HTR2C: variants seen among roughly 807,000 people sequenced by gnomAD.
The protein encoded by HTR2C is 5-hydroxytryptamine receptor 2C.
Under a neutral mutation model 21.0 loss-of-function variants are expected in HTR2C, and 5 were observed. The ratio of observed to expected loss-of-function variants is 0.24; its 90% CI spans 0.12 to 0.50. The LOEUF (loss-of-function observed/expected upper bound fraction) is 0.50. HTR2C is among the 20% of genes least tolerant of loss of function. The pLI, the probability that HTR2C is intolerant of heterozygous loss-of-function variation, is 0.98. For missense variants in HTR2C, 271 were observed against 371.2 expected (o/e 0.73, Z 2.22); for synonymous variants, 150 against 145.3 (o/e 1.03, Z -0.23).
chrX:114,759,875 A>G (rs1357236572), intron 4 of HTR2C, among the ~76,000 whole-genome samples: 1 of 111,472 alleles, frequency 9.0e-6, no homozygotes, highest in Non-Finnish European at 1.9e-5. Flanking sequence ...CCATGGCTCT[A>G]CTCAACCCAC....
In HTR2C at chrX:114,821,878, C is replaced by CT. The variant is rs782532204; in HGVS notation, c.350-26107dup. On this transcript the variant is annotated intron_variant, in intron 4 of 5. Coordinates refer to ENST00000276198, the MANE Select transcript of HTR2C (RefSeq NM_000868.4). The stretch of plus-strand genomic sequence containing the variant: ...AAACAAATTATAAAGACTAAATATC[C>CT]TTTTTTTTTTTTTTTTTTGAGATGG... 8.4e-3 allele frequency among the ~76,000 whole-genome samples: 790 copies of CT among 93,900 alleles called. 10 individuals carry two copies. Among genetic ancestry groups the CT allele is most frequent in the South Asian group, 0.021 (44 of 2,053 alleles). The allele number at this position is 93,900 out of a possible 115,157, so 81.5% of individuals were successfully genotyped here. A position where few individuals can be genotyped will look rare whatever the true frequency, so the allele number is the denominator to read the frequency against.
At chrX:114,897,942 G>C (rs1370507347) in intron 5 of HTR2C, among the ~76,000 whole-genome samples, 2 of 111,988 alleles carry the variant, frequency 1.8e-5, no homozygotes, top group Non-Finnish European at 3.8e-5. Context: ...TTGCTGTGTT[G>C]AGTGGTATTT....
At chrX:114,669,383 C>T (rs1450764795) in intron 2 of HTR2C, among the ~76,000 whole-genome samples, 1 of 111,744 alleles carries the variant, frequency 8.9e-6, no homozygotes, top group African/African-American at 3.3e-5. Flanking sequence ...TTCATAAAGC[C>T]TAATTCCCTT....
At chrX:114,654,414 A>C (rs2147836960) in intron 2 of HTR2C, among the ~76,000 whole-genome samples, 1 of 109,613 alleles carries the variant, frequency 9.1e-6, no homozygotes, top group South Asian at 3.8e-4. Flanking sequence ...TTCTAAAAAC[A>C]AATTCAAATC....
intron 4 of HTR2C, among the ~76,000 whole-genome samples, chrX:114,780,397 A>G (rs1224336595): frequency 8.9e-6 from 1 of 111,788 alleles, no homozygotes; most frequent in East Asian, 2.8e-4. Flanking sequence ...CTGAGCAGCT[A>G]TTGTCTTGTG....
At chrX:114,672,471 T>G (rs1348931711) in intron 2 of HTR2C, among the ~76,000 whole-genome samples, 5 of 112,204 alleles carry the variant, frequency 4.5e-5, no homozygotes, top group African/African-American at 1.6e-4. Context: ...TAAAATCATA[T>G]GTAAACATTT....
chrX:114,631,119 C>T (rs1481642074), intron 2 of HTR2C, among the ~76,000 whole-genome samples: 1 of 111,114 alleles, frequency 9.0e-6, no homozygotes, highest in African/African-American at 3.3e-5. Flanking sequence ...TGCTGGCCAA[C>T]GTGGCGAAAC....
At chrX:114,795,642 T>G (rs2070285057) in intron 4 of HTR2C, among the ~76,000 whole-genome samples, 1 of 111,873 alleles carries the variant, frequency 8.9e-6, no homozygotes, top group Non-Finnish European at 1.9e-5. Context: ...CATTTCTTGT[T>G]TTTGTCAGGT....
intron 2 of HTR2C, chrX:114,715,370 G>A (rs1556419664): frequency 1.6e-5 from 6 of 373,752 alleles, no homozygotes; most frequent in South Asian, 1.2e-4. Flanking sequence ...AACCAGAAGA[G>A]CCTGTTATAA....
At chrX:114,677,365 C>T (rs1931595334) in intron 2 of HTR2C, among the ~76,000 whole-genome samples, 1 of 111,138 alleles carries the variant, frequency 9.0e-6, no homozygotes, top group Non-Finnish European at 1.9e-5. Context: ...GAGACAGATT[C>T]AGACAGTTTG....
At chrX:114,618,041 T>C (rs1282994008) in intron 2 of HTR2C, among the ~76,000 whole-genome samples, 3 of 112,213 alleles carry the variant, frequency 2.7e-5, no homozygotes, top group Admixed American at 9.5e-5. Flanking sequence ...GTTTTTGCTT[T>C]TGTTAATCAA....
intron 4 of HTR2C, among the ~76,000 whole-genome samples, chrX:114,808,759 T>C (rs1365759652): frequency 3.6e-5 from 4 of 112,252 alleles, no homozygotes; most frequent in African/African-American, 1.3e-4. Flanking sequence ...GCCATTCATG[T>C]GTCTTCTTTG....
chrX:114,615,025 T>A (rs1928897888), intron 2 of HTR2C, among the ~76,000 whole-genome samples: 1 of 111,814 alleles, frequency 8.9e-6, no homozygotes, highest in Non-Finnish European at 1.9e-5. Context: ...ACAGTAAAAT[T>A]TTAACAGAAA....
At chrX:114,745,080 G>T (rs1272221931) in intron 4 of HTR2C, among the ~76,000 whole-genome samples, 8 of 111,585 alleles carry the variant, frequency 7.2e-5, no homozygotes, top group African/African-American at 2.0e-4. Context: ...ATCTGACAAG[G>T]CATTAATAGC....
chrX:114,675,868 C>CTTTTTTTTTTT (rs1556412476), intron 2 of HTR2C, among the ~76,000 whole-genome samples: 6 of 94,297 alleles, frequency 6.4e-5, no homozygotes, highest in Admixed American at 1.2e-4. Context: ...TTTCTTTTTT[C>CTTTTTTTTTTT]TTTTTTCTTT....
chrX:114,721,344 G>A (rs1422060898), intron 2 of HTR2C, among the ~76,000 whole-genome samples: 167 of 84,639 alleles, frequency 2.0e-3, no homozygotes, highest in African/African-American at 6.9e-3. Context: ...CATGTCCTTC[G>A]CCCACTTTTT....
intron 3 of HTR2C, among the ~76,000 whole-genome samples, chrX:114,730,934 G>A (rs782608597): frequency 3.6e-5 from 4 of 111,471 alleles, no homozygotes; most frequent in African/African-American, 1.3e-4. Context: ...GGCTGTTTAG[G>A]CTTGAAAAAG....
chrX:114,685,525 C>T (rs1351344616), intron 2 of HTR2C, among the ~76,000 whole-genome samples: 1 of 111,861 alleles, frequency 8.9e-6, no homozygotes, highest in African/African-American at 3.2e-5. Flanking sequence ...TTTACATGTG[C>T]TGATACACCT....
chrX:114,705,455 G>A (rs1932747145), intron 2 of HTR2C, among the ~76,000 whole-genome samples: 1 of 108,180 alleles, frequency 9.2e-6, no homozygotes, highest in Non-Finnish European at 1.9e-5. Context: ...CAAGCAATGG[G>A]GAAAGGATTC....
Sources: gnomAD v4.1 joint callset for allele counts (sites outside exome capture counted in the v4.1 genomes callset) on GRCh38, gnomAD v4.1.1 for gene constraint, MANE v1.5 for transcripts, NCBI Gene and HGNC (gene_info 2026-07-23, HGNC 2026-07-21) for gene names.